Variants in RUVBL1 observed in about 807,000 individuals in gnomAD.
The protein encoded by RUVBL1 is RuvB like AAA ATPase 1.
Under a neutral mutation model 52.4 loss-of-function variants are expected in RUVBL1, and 4 were observed. That is an observed-to-expected ratio of 0.08 (90% confidence interval 0.04 to 0.17). RUVBL1 has a LOEUF of 0.17. Ranked by LOEUF, RUVBL1 falls within the 10% of genes least tolerant of loss-of-function variation. The probability of loss-of-function intolerance (pLI) is 1.00; values close to 1 mark genes in which losing one functional copy is unlikely to be tolerated. For synonymous variants in RUVBL1, 217 were observed against 214.4 expected, an observed-to-expected ratio of 1.01 and a Z score of -0.10; for missense variants, 298 against 572.8, an observed-to-expected ratio of 0.52 and a Z score of 4.90.
At position 128,081,364 on chromosome 3, in the gene RUVBL1, G is replaced by T. The variant is rs1942469691; in HGVS notation, c.1257C>A (p.Ile419=). Residue 419 remains isoleucine, a synonymous_variant, in exon 11 of 11, where the codon ATC becomes ATA. Transcript: ENST00000322623. This position sits in a 1 kb window ranked among gnomAD's most constrained non-coding sequence, Gnocchi z 4.8. ...LLTPANLLAK[I]NGKDSIEKEH... The stretch of plus-strand genomic sequence containing the variant: ...CTTTCTCAATGCTGTCCTTCCCGTT[G>T]ATTTTAGCAAGCAAGTTGGCCGGGG... 1.2e-6 allele frequency: 2 copies of T among 1,614,052 alleles called. No individual in the cohort carries two copies. Among genetic ancestry groups the T allele is most frequent in the Non-Finnish European group, 1.7e-6 (2 of 1,180,016 alleles).
At chr3:128,077,134 C>A (rs1366815681), downstream of RUVBL1, among the ~76,000 whole-genome samples, 6 of 152,068 alleles carry the variant, frequency 3.9e-5, 2 homozygotes. Flanking sequence ...CATCCGTCGC[C>A]GAGACGCGCG....
intron 9 of RUVBL1, among the ~76,000 whole-genome samples, chr3:128,087,290 T>C (rs558778036): frequency 3.0e-4 from 46 of 152,368 alleles, no homozygotes; most frequent in African/African-American, 9.9e-4. Flanking sequence ...CCTTGTCCTC[T>C]GAGTAGAAAA....
At chr3:128,153,332 C>T in exon 1 of RUVBL1, 9 of 1,371,766 alleles carry the variant, frequency 6.6e-6, no homozygotes, top group Non-Finnish European at 8.4e-6. Flanking sequence ...AGACCACCCA[C>T]TCGGAGCACG....
At chr3:128,147,268 C>T (rs1308849248) in intron 1 of RUVBL1, among the ~76,000 whole-genome samples, 2 of 152,102 alleles carry the variant, frequency 1.3e-5, no homozygotes, top group African/African-American at 4.8e-5. Context: ...TGGAGCCCTA[C>T]TGTGTTTCCC....
At chr3:128,084,530 C>T (rs1942579594) in intron 9 of RUVBL1, 1 of 152,142 alleles carries the variant, frequency 6.6e-6, no homozygotes, top group African/African-American at 2.4e-5. Flanking sequence ...AAGCTAAGTG[C>T]CTCGCCTTCA....
downstream of RUVBL1, among the ~76,000 whole-genome samples, chr3:128,078,174 C>A (rs890779847): frequency 2.6e-5 from 4 of 152,214 alleles, no homozygotes; most frequent in African/African-American, 9.6e-5. Context: ...GGATAGAGGT[C>A]GACTGGGAGT....
intron 7 of RUVBL1, among the ~76,000 whole-genome samples, 178 bp downstream of exon 7, chr3:128,098,704 A>G (rs562351228): frequency 6.6e-6 from 1 of 152,324 alleles, no homozygotes; most frequent in Admixed American, 6.5e-5. Context: ...AGTGTGCTAT[A>G]TGGCTGCCTA....
At chr3:128,134,335 C>G (rs947542573) in intron 1 of RUVBL1, among the ~76,000 whole-genome samples, 1 of 151,584 alleles carries the variant, frequency 6.6e-6, no homozygotes, top group Non-Finnish European at 1.5e-5. Flanking sequence ...CGGTGGTAGG[C>G]GCCTGTAATC....
intron 9 of RUVBL1, chr3:128,083,539 GC>G (rs910135657): frequency 9.2e-5 from 14 of 152,310 alleles, no homozygotes; most frequent in African/African-American, 2.9e-4. Flanking sequence ...TGCAGGGGGA[GC>G]CCAGTCTCTG....
rs760270179 is a variant in RUVBL1, at chr3:128,101,539, T to G, written c.603+20A>C. ...GGCAAACAAATCAGGGACAATGCTG[T>G]GTCCCAAGGAAGGCATTACCTTCAC... On this transcript the variant is annotated intron_variant, in intron 5 of 10. Coordinates refer to ENST00000322623, the MANE Select transcript of RUVBL1 (RefSeq NM_003707.3). 2.1e-5 allele frequency: 33 copies of G among 1,607,888 alleles called. No homozygotes were observed. The highest frequency in any genetic ancestry group is 2.7e-5 in the Non-Finnish European group (32 of 1,174,554).
chr3:128,115,824 A>G (rs527536739), intron 2 of RUVBL1, among the ~76,000 whole-genome samples: 1 of 152,322 alleles, frequency 6.6e-6, no homozygotes, highest in South Asian at 2.1e-4. Context: ...CTTAAGATAG[A>G]AACCCCTGAA....
intron 2 of RUVBL1, among the ~76,000 whole-genome samples, chr3:128,118,270 T>C (rs1022397288): frequency 2.0e-5 from 3 of 151,988 alleles, no homozygotes; most frequent in African/African-American, 4.8e-5. Flanking sequence ...TGCTTTTATA[T>C]AGGAAGAGAA....
chr3:128,153,697 C>T, exon 1 of RUVBL1: 1 of 1,589,004 alleles, frequency 6.3e-7, no homozygotes, highest in Non-Finnish European at 8.5e-7. Context: ...GCCCGCGCGC[C>T]TGCGGTCGTC....
intron 2 of RUVBL1, among the ~76,000 whole-genome samples, chr3:128,113,333 C>A (rs1033598957): frequency 2.0e-5 from 3 of 152,192 alleles, no homozygotes; most frequent in Admixed American, 6.5e-5. Context: ...CCATTTTACA[C>A]ATGAGAAACT....
chr3:128,124,733 T>C (rs1943755579), upstream of RUVBL1, among the ~76,000 whole-genome samples: 1 of 152,158 alleles, frequency 6.6e-6, no homozygotes, highest in Non-Finnish European at 1.5e-5. Flanking sequence ...CTGAGACAGG[T>C]ACACCCAGGT....
At chr3:128,112,388 C>T (rs1364336777) in intron 3 of RUVBL1, among the ~76,000 whole-genome samples, 1 of 152,224 alleles carries the variant, frequency 6.6e-6, no homozygotes, top group Non-Finnish European at 1.5e-5. Flanking sequence ...CAGGCACTCA[C>T]TATGATAGCC....
rs1238474125 is a variant in RUVBL1 at position 128,069,388 on chromosome 3, G to C, written c.940-4168C>G. 9.5e-6 allele frequency: 12 copies of C among 1,261,034 alleles called. 1 individual carries two copies. Among genetic ancestry groups the C allele is most frequent in the Non-Finnish European group, 1.3e-5 (12 of 901,608 alleles). The allele number at this position is 1,261,034 out of a possible 1,614,324, so 78.1% of individuals were successfully genotyped here. A position where few individuals can be genotyped will look rare whatever the true frequency, so the allele number is the denominator to read the frequency against. ...AGCAGAGGGGCCTTTGAGGCATTAG[G>C]TCCCAAAGTCTCAGGTGAGCCTGTT... On this transcript the variant is annotated intron_variant, in intron 9 of 9. Coordinates refer to the RUVBL1 transcript ENST00000464873.
At chr3:128,066,957 T>C in intron 9 of RUVBL1, 1 of 1,614,186 alleles carries the variant, frequency 6.2e-7, no homozygotes, top group Non-Finnish European at 8.5e-7. Flanking sequence ...TTCTCAGGGC[T>C]TCCGAGTGGA....
intron 9 of RUVBL1, chr3:128,068,934 A>C (rs1043887832): frequency 1.3e-5 from 2 of 152,312 alleles, no homozygotes; most frequent in African/African-American, 4.8e-5. Flanking sequence ...CAACCACAGG[A>C]AAAGCCAGAA....
Sources: allele counts gnomAD v4.1 joint callset (sites outside exome capture counted in the v4.1 genomes callset), GRCh38; gene constraint gnomAD v4.1.1; non-coding constraint Gnocchi (gnomAD v3.1); transcripts MANE v1.5; gene names NCBI Gene and HGNC (gene_info 2026-07-23, HGNC 2026-07-21).